The following RNF2 variants were observed in gnomAD, a reference collection of about 807,000 sequenced individuals.
The protein encoded by RNF2 is ring finger protein 2, also known as E3 ubiquitin-protein ligase RING2.
RNF2 carries 6 observed loss-of-function variants against 37.2 expected under a neutral mutation model. The observed-to-expected ratio is 0.16, with a 90% CI of 0.09 to 0.32. The LOEUF is 0.32. RNF2 is among the 10% of genes least tolerant of loss of function. The pLI, the probability that RNF2 is intolerant of heterozygous loss-of-function variation, is 1.00. For synonymous variants in RNF2, 133 were observed against 132.7 expected (o/e 1.00, Z -0.02); for missense variants, 251 against 404.0 (o/e 0.62, Z 3.25).
chr1:185,053,507 T>C (rs1557958590), intron 1 of RNF2, among the ~76,000 whole-genome samples: 1 of 151,954 alleles, frequency 6.6e-6, no homozygotes, highest in African/African-American at 2.4e-5. Context: ...AATATTCTTA[T>C]TTTCTTTCTT....
intron 1 of RNF2, among the ~76,000 whole-genome samples, chr1:185,052,139 C>G (rs1376900692): frequency 1.3e-5 from 2 of 152,058 alleles, no homozygotes. Flanking sequence ...TCCTTCAGAC[C>G]ATTTCAGACT....
intron 5 of RNF2, among the ~76,000 whole-genome samples, chr1:185,099,459 A>G (rs778066687): frequency 2.0e-5 from 3 of 152,158 alleles, no homozygotes; most frequent in Non-Finnish European, 4.4e-5. Context: ...TCTGGTCATT[A>G]GGGTTTGGGG....
intron 1 of RNF2, among the ~76,000 whole-genome samples, chr1:185,085,365 T>A (rs1651557368): frequency 6.6e-6 from 1 of 151,924 alleles, no homozygotes; most frequent in Non-Finnish European, 1.5e-5. Context: ...CTCGATCTCC[T>A]GACTTCATGA....
rs1441891585 is a variant in RNF2, at chr1:185,100,317, T to G, written c.*16T>G. ...GCACAAATGAGCCTTTAAAAACCAA[T>G]TCTGAGACTGAACTTTTTTATAGCC... On this transcript the variant is annotated 3_prime_UTR_variant, in exon 7 of 7. Coordinates refer to ENST00000367510, the MANE Select transcript of RNF2 (RefSeq NM_007212.4). The G allele has an allele frequency of 6.4e-7, 1 of 1,559,146 alleles. No individual in the cohort carries two copies. The highest frequency in any genetic ancestry group is 8.7e-7 in the Non-Finnish European group (1 of 1,146,744).
intron 1 of RNF2, chr1:185,046,260 C>T (rs935410183): frequency 2.6e-5 from 4 of 152,194 alleles, no homozygotes; most frequent in African/African-American, 9.7e-5. Context: ...AGTGCCGCCT[C>T]CTGCTCTGGA....
Position 185,071,198 on chromosome 1 carries a change from G to A in RNF2, c.-2-16354G>A, listed in dbSNP as rs572394564. ...GGGAGTAGAGGAAAAAGTCAGTTAC[G>A]CATTCATCTCAGGGTAGGCCAAGGG... On this transcript the variant is annotated intron_variant, in intron 1 of 6. Transcript: ENST00000367510. Among the ~76,000 whole-genome samples, 646 of 152,164 alleles carry A rather than the reference G, an allele frequency of 4.2e-3. 3 individuals are homozygous for A. Among genetic ancestry groups the A allele is most frequent in the Middle Eastern group, 6.8e-3 (2 of 292 alleles).
At chr1:185,100,085 T>C (rs1652034908) in intron 6 of RNF2, 115 bp from the exon 7 acceptor site, 3 of 1,182,710 alleles carry the variant, frequency 2.5e-6, no homozygotes. Context: ...AAGTGACAAG[T>C]AGTTATTCCT....
rs537787999 is a variant in RNF2, at chr1:185,064,707, C to A, written c.-3+19058C>A. ...TCTTAATAATATTTTGTCTTCAAAT[C>A]CATGAACATGGGATGTCTTTCCATT... On this transcript the variant is annotated intron_variant, in intron 1 of 6. Transcript: ENST00000367510. Among the ~76,000 whole-genome samples the A allele has an allele frequency of 2.0e-5, 3 of 152,282 alleles. No individual in the cohort carries two copies. In the East Asian group the frequency reaches 5.8e-4, roughly 29 times the overall value.
intron 3 of RNF2, 45 bp downstream of exon 3, chr1:185,091,784 G>A (rs756486168): frequency 1.5e-5 from 23 of 1,499,092 alleles, no homozygotes; most frequent in Admixed American, 5.9e-5. Flanking sequence ...ATTGTACCAC[G>A]AAAGTGCTTT....
In RNF2 at chr1:185,081,113, A is replaced by C. The variant is rs906252729; in HGVS notation, c.-2-6439A>C. Among the ~76,000 whole-genome samples, 5 of 152,348 alleles carry C rather than the reference A, an allele frequency of 3.3e-5. No individual in the cohort carries two copies. In the East Asian group the frequency reaches 9.6e-4, roughly 29 times the overall value. ...ATTGCGGTTTTGGACTGTGAATTTT[A>C]AATAATCAAAACTAGGCTCAAACAC... On this transcript the variant is annotated intron_variant, in intron 1 of 6. Transcript: ENST00000367510.
intron 2 of RNF2, among the ~76,000 whole-genome samples, chr1:185,089,613 A>G (rs1258473404): frequency 6.6e-6 from 1 of 152,122 alleles, no homozygotes; most frequent in Non-Finnish European, 1.5e-5. Flanking sequence ...CAGTAAGGGG[A>G]GGGTAGAAGT....
At chr1:185,052,129 TC>T (rs1650290639) in intron 1 of RNF2, among the ~76,000 whole-genome samples, 1 of 152,118 alleles carries the variant, frequency 6.6e-6, no homozygotes, top group South Asian at 2.1e-4. Flanking sequence ...TATCTGTTCT[TC>T]CTTCAGACCA....
intron 4 of RNF2, 109 bp downstream of exon 4, chr1:185,093,385 C>T (rs1323384902): frequency 1.1e-6 from 1 of 928,010 alleles, no homozygotes; most frequent in African/African-American, 1.7e-5. Flanking sequence ...AGTAGTACTG[C>T]ATGATTACCT....
chr1:185,096,561 GT>G lies in RNF2; in HGVS notation c.465-1501del, dbSNP rs914017823. On this transcript the variant is annotated intron_variant, in intron 4 of 6. Coordinates refer to ENST00000367510, the MANE Select transcript of RNF2 (RefSeq NM_007212.4). ...ATCGTGCTGTATTTGTACTTTTGGG[GT>G]TTTTTTTTTGTTGTTGTTATTTACT... Among the ~76,000 whole-genome samples, 120 of 146,686 alleles carry G rather than the reference GT, an allele frequency of 8.2e-4. 1 individual carries two copies. In the Middle Eastern group the frequency reaches 0.01, roughly 13 times the overall value.
intron 1 of RNF2, among the ~76,000 whole-genome samples, chr1:185,059,846 C>A (rs1461804960): frequency 6.6e-6 from 1 of 152,168 alleles, no homozygotes; most frequent in African/African-American, 2.4e-5. Flanking sequence ...ATTCCAGTTC[C>A]TGTTAGAAGA....
chr1:185,087,100 G>GT (rs574444823), intron 1 of RNF2, among the ~76,000 whole-genome samples: 5 of 151,876 alleles, frequency 3.3e-5, no homozygotes, highest in African/African-American at 9.6e-5. Flanking sequence ...TGAATAATTT[G>GT]TTTTTTTTAT....
chr1:185,093,338 A>G, intron 4 of RNF2, 62 bp downstream of exon 4: 2 of 1,496,846 alleles, frequency 1.3e-6, no homozygotes, highest in Non-Finnish European at 1.8e-6. Flanking sequence ...TAACAATTAA[A>G]TTTACTTTTT....
chr1:185,093,421 C>A (rs1651825215), intron 4 of RNF2, 145 bp downstream of exon 4: 2 of 659,540 alleles, frequency 3.0e-6, no homozygotes, highest in Admixed American at 5.7e-5. Flanking sequence ...TACATGCCTC[C>A]AGGCATAATA....
chr1:185,076,265 G>GTTTTT (rs1557967374), intron 1 of RNF2, among the ~76,000 whole-genome samples: 7 of 39,554 alleles, frequency 1.8e-4, no homozygotes, highest in African/African-American at 2.4e-4. Flanking sequence ...TCTTTTATGG[G>GTTTTT]TTGTTTTTTT....
Sources: allele counts gnomAD v4.1 joint callset (sites outside exome capture counted in the v4.1 genomes callset), GRCh38; gene constraint gnomAD v4.1.1; transcripts MANE v1.5; gene names NCBI Gene and HGNC (gene_info 2026-07-23, HGNC 2026-07-21).